The following LRFN5 variants were observed in gnomAD, a reference collection of about 807,000 sequenced individuals.
LRFN5 encodes leucine-rich repeat and fibronectin type-III domain-containing protein 5.
LRFN5 carries 24 observed loss-of-function variants against 45.6 expected under a neutral mutation model. The observed-to-expected ratio is 0.53, with a 90% CI of 0.38 to 0.74. LRFN5 has a LOEUF of 0.74. Among genes scored for constraint, LRFN5 ranks in the 30% least tolerant of loss-of-function variants. LRFN5 has a pLI of 0.00. For synonymous variants in LRFN5, 340 were observed against 313.8 expected, an observed-to-expected ratio of 1.08 and a Z score of -0.88; for missense variants, 776 against 861.5, an observed-to-expected ratio of 0.90 and a Z score of 1.24.
chr14:41,723,176 C>G (rs563579687), intron 1 of LRFN5, among the ~76,000 whole-genome samples: 1 of 152,272 alleles, frequency 6.6e-6, no homozygotes, highest in Non-Finnish European at 1.5e-5. Context: ...ACCAGGCAAG[C>G]GGATACTCCT....
chr14:41,808,209 A>AGGAAGGAAGGAC (rs1200542996), intron 2 of LRFN5, among the ~76,000 whole-genome samples: 1 of 130,710 alleles, frequency 7.7e-6, no homozygotes, highest in East Asian at 2.2e-4. Context: ...GAAGGAAGGA[A>AGGAAGGAAGGAC]GGAAGGAAGG....
chr14:41,803,798 G>C (rs1485128522), intron 2 of LRFN5, among the ~76,000 whole-genome samples: 1 of 152,104 alleles, frequency 6.6e-6, no homozygotes, highest in Non-Finnish European at 1.5e-5. Context: ...TCAAGACAGA[G>C]GAAATGCAAT....
At chr14:41,868,619 A>C (rs147209238) in intron 2 of LRFN5, among the ~76,000 whole-genome samples, 4 of 152,286 alleles carry the variant, frequency 2.6e-5, no homozygotes, top group African/African-American at 4.8e-5. Context: ...AAATGTCTTT[A>C]GAAGACATCT....
intron 2 of LRFN5, among the ~76,000 whole-genome samples, chr14:41,881,790 G>C (rs1276346129): frequency 6.6e-6 from 1 of 151,970 alleles, no homozygotes; most frequent in African/African-American, 2.4e-5. Flanking sequence ...CTGTTACAAA[G>C]ATATTGTTAT....
chr14:41,626,800 G>A (rs1289561138), intron 1 of LRFN5, among the ~76,000 whole-genome samples: 1 of 151,966 alleles, frequency 6.6e-6, no homozygotes, highest in Admixed American at 6.6e-5. Context: ...TGATGTATTA[G>A]ACAAAGAAAC....
intron 2 of LRFN5, among the ~76,000 whole-genome samples, chr14:41,818,115 CTATTTCAAAAA>C (rs1320711275): frequency 2.0e-5 from 3 of 151,972 alleles, no homozygotes; most frequent in East Asian, 3.9e-4. Flanking sequence ...TACTTATTTT[CTATTTCAAAAA>C]ATCATGCTAA....
intron 2 of LRFN5, among the ~76,000 whole-genome samples, chr14:41,868,121 A>G (rs1889900332): frequency 2.6e-5 from 4 of 152,252 alleles, no homozygotes; most frequent in Middle Eastern, 3.4e-3. Context: ...AAATCAAACA[A>G]AAAGCAGCAG....
rs530535791 is a variant in LRFN5 at position 41,843,221 on chromosome 14, C to T, written c.-20-43385C>T. ...CCATCTCACACTCCCAAGTAGCTAG[C>T]TAGCTGGTACTGTATGCATACCATC... is the stretch of plus-strand genomic sequence containing the variant. On this transcript the variant is annotated intron_variant, in intron 2 of 5. Coordinates refer to ENST00000298119, the MANE Select transcript of LRFN5 (RefSeq NM_152447.5). Among the ~76,000 whole-genome samples the T allele has an allele frequency of 2.4e-4, 36 of 151,410 alleles. No individual in the cohort carries two copies. In the South Asian group the frequency reaches 7.3e-3, roughly 31 times the overall value.
At chr14:41,675,623 G>A (rs1881597544) in intron 1 of LRFN5, among the ~76,000 whole-genome samples, 1 of 151,802 alleles carries the variant, frequency 6.6e-6, no homozygotes, top group Admixed American at 6.6e-5. Flanking sequence ...GGAGAGGGGA[G>A]AGGGGAGAGG....
At chr14:41,773,277 T>G (rs1886155869) in intron 2 of LRFN5, among the ~76,000 whole-genome samples, 1 of 152,186 alleles carries the variant, frequency 6.6e-6, no homozygotes, top group Admixed American at 6.5e-5. Context: ...AGCTCACTTT[T>G]TTTGCCTGCA....
chr14:41,707,632 A>G (rs574467180), intron 1 of LRFN5, among the ~76,000 whole-genome samples: 156 of 151,986 alleles, frequency 1.0e-3, no homozygotes, highest in African/African-American at 3.4e-3. Context: ...CTCTTAATCT[A>G]TTTTCTGTTA....
intron 1 of LRFN5, among the ~76,000 whole-genome samples, chr14:41,741,214 A>G (rs1884676738): frequency 6.8e-6 from 1 of 147,326 alleles, no homozygotes; most frequent in Non-Finnish European, 1.5e-5. Flanking sequence ...AATAGAATAA[A>G]AGTCTAATAG....
At chr14:41,811,920 A>G (rs1415268619) in intron 2 of LRFN5, among the ~76,000 whole-genome samples, 1 of 152,162 alleles carries the variant, frequency 6.6e-6, no homozygotes, top group Non-Finnish European at 1.5e-5. Flanking sequence ...GGTACATTGT[A>G]TGGTTATTGA....
Position 41,885,972 on chromosome 14 carries a change from G to A in LRFN5, c.-20-634G>A, listed in dbSNP as rs1028298380. On this transcript the variant is annotated intron_variant, in intron 2 of 5. Coordinates refer to ENST00000298119, the MANE Select transcript of LRFN5 (RefSeq NM_152447.5). ...GGAGGTGGAAGTTACGGTGAGCCAA[G>A]ATCACGCCACTGCACTGCAGCCTGG... is the stretch of plus-strand genomic sequence containing the variant. 3.2e-5 allele frequency among the ~76,000 whole-genome samples: 4 copies of A among 126,152 alleles called. No individual in the cohort carries two copies. The East Asian group carries it at 7.2e-4, about 23-fold the overall frequency. 82.8% of individuals were successfully genotyped at this position (126,152 alleles called of 152,430 possible).
intron 1 of LRFN5, among the ~76,000 whole-genome samples, chr14:41,756,261 G>A (rs537920875): frequency 2.6e-4 from 39 of 152,114 alleles, no homozygotes; most frequent in Middle Eastern, 6.8e-3. Flanking sequence ...TGCTCTTCTC[G>A]AGGAGTATCT....
chr14:41,708,353 T>A (rs1883150067), intron 1 of LRFN5, among the ~76,000 whole-genome samples: 1 of 152,020 alleles, frequency 6.6e-6, no homozygotes, highest in Non-Finnish European at 1.5e-5. Flanking sequence ...ACTTAAAATA[T>A]TTATCTCTAA....
At chr14:41,711,633 G>T (rs1183501949) in intron 1 of LRFN5, among the ~76,000 whole-genome samples, 1 of 152,138 alleles carries the variant, frequency 6.6e-6, no homozygotes, top group East Asian at 1.9e-4. Context: ...CAGGTTTGTA[G>T]TGTTTAATGG....
At chr14:41,699,711 G>C (rs907499030) in intron 1 of LRFN5, 4 of 152,078 alleles carry the variant, frequency 2.6e-5, no homozygotes, top group Non-Finnish European at 4.4e-5. Context: ...TGTTACAGGA[G>C]ATAGAGTTAT....
At chr14:41,789,300 G>A (rs187415674) in intron 2 of LRFN5, among the ~76,000 whole-genome samples, 1 of 151,878 alleles carries the variant, frequency 6.6e-6, no homozygotes, top group African/African-American at 2.4e-5. Context: ...CCAACTATTG[G>A]ATATAAAAAA....
Sources: gnomAD v4.1 joint callset for allele counts (sites outside exome capture counted in the v4.1 genomes callset) on GRCh38, gnomAD v4.1.1 for gene constraint, MANE v1.5 for transcripts, NCBI Gene and HGNC (gene_info 2026-07-23, HGNC 2026-07-21) for gene names.